NTN1: variants seen among roughly 807,000 people sequenced by gnomAD.
The protein encoded by NTN1 is netrin 1, also known as netrin-1.
Under a neutral mutation model 54.2 loss-of-function variants are expected in NTN1, and 11 were observed. The observed-to-expected ratio is 0.20, with a 90% CI of 0.13 to 0.34. The LOEUF (loss-of-function observed/expected upper bound fraction) is 0.34, where lower values mean the gene tolerates loss of function less well. Ranked by LOEUF, NTN1 falls within the 10% of genes least tolerant of loss-of-function variation. NTN1 has a pLI of 1.00. For missense variants in NTN1, 740 were observed against 893.1 expected, an observed-to-expected ratio of 0.83 and a Z score of 2.18; for synonymous variants, 371 against 382.0, an observed-to-expected ratio of 0.97 and a Z score of 0.33.
intron 2 of NTN1, among the ~76,000 whole-genome samples, chr17:9,073,352 TCAAA>T (rs1329051783): frequency 6.6e-6 from 1 of 152,182 alleles, no homozygotes; most frequent in African/African-American, 2.4e-5. Context: ...ACTGAACTTA[TCAAA>T]CAAGTCCCCA....
intron 2 of NTN1, among the ~76,000 whole-genome samples, chr17:9,149,130 A>G (rs1236160043): frequency 6.6e-6 from 1 of 152,080 alleles, no homozygotes; most frequent in Non-Finnish European, 1.5e-5. Flanking sequence ...CAGATGGGAA[A>G]TGACTCCAGG....
At chr17:9,201,339 T>G (rs1597534741) in intron 5 of NTN1, among the ~76,000 whole-genome samples, 1 of 152,172 alleles carries the variant, frequency 6.6e-6, no homozygotes, top group African/African-American at 2.4e-5. Context: ...AGTTCTGAAC[T>G]TACTGTGTGG....
intron 2 of NTN1, among the ~76,000 whole-genome samples, chr17:9,045,206 A>T (rs145425210): frequency 1.3e-5 from 2 of 152,260 alleles, no homozygotes; most frequent in African/African-American, 4.8e-5. Flanking sequence ...GGCTGAGTTT[A>T]TTGCTTTGGC....
intron 1 of NTN1, among the ~76,000 whole-genome samples, chr17:9,021,980 C>T (rs1315983342): frequency 6.6e-6 from 1 of 152,202 alleles, no homozygotes; most frequent in Non-Finnish European, 1.5e-5. Flanking sequence ...CGGGGTCCCC[C>T]AGCTCTCCTG....
intron 2 of NTN1, among the ~76,000 whole-genome samples, chr17:9,115,070 G>C (rs1359971358): frequency 6.6e-6 from 1 of 151,884 alleles, no homozygotes; most frequent in Non-Finnish European, 1.5e-5. Context: ...CAGGCCGGGG[G>C]TGCAGTAGAA....
In NTN1 at chr17:9,239,591, C is replaced by G; in HGVS notation, c.1487-49C>G. On this transcript the variant is annotated intron_variant, in intron 6 of 6. Transcript: ENST00000173229. The surrounding 1 kb of genome is among the most constrained non-coding windows in gnomAD (Gnocchi z 5.2). ...CTCCCCAGGCTCAGGCAGGGCGGAC[C>G]TAGCCACAGCAGCTGGGAGCCCACC... is the stretch of plus-strand genomic sequence containing the variant. The G allele has an allele frequency of 6.4e-7, 1 of 1,574,056 alleles. No individual in the cohort carries two copies. Among genetic ancestry groups the G allele is most frequent in the Non-Finnish European group, 8.7e-7 (1 of 1,151,334 alleles).
chr17:9,060,370 A>T (rs913005656), intron 2 of NTN1, among the ~76,000 whole-genome samples: 1 of 152,228 alleles, frequency 6.6e-6, no homozygotes, highest in Non-Finnish European at 1.5e-5. Context: ...AAACATATAC[A>T]ATATGTATTA....
At chr17:9,147,937 G>A (rs2092318383) in intron 2 of NTN1, among the ~76,000 whole-genome samples, 1 of 152,124 alleles carries the variant, frequency 6.6e-6, no homozygotes, top group African/African-American at 2.4e-5. Context: ...GATGAAAATG[G>A]CTTTGTTTGG....
intron 3 of NTN1, among the ~76,000 whole-genome samples, chr17:9,169,246 C>T (rs1383147691): frequency 6.6e-6 from 1 of 152,248 alleles, no homozygotes; most frequent in Non-Finnish European, 1.5e-5. Flanking sequence ...CCACATTCCA[C>T]ATGCTTCTTA....
In NTN1 at chr17:9,242,344, C is replaced by G. The variant is rs1162657576; in HGVS notation, c.*2376C>G. 3 of 152,284 alleles carry G rather than the reference C, an allele frequency of 2.0e-5. No individual in the cohort carries two copies. Among genetic ancestry groups the G allele is most frequent in the Non-Finnish European group, 4.4e-5 (3 of 68,088 alleles). The allele number at this position is 152,284 out of a possible 1,614,324, so 9.4% of individuals were successfully genotyped here. On this transcript the variant is annotated 3_prime_UTR_variant, in exon 7 of 7. Coordinates refer to ENST00000173229, the MANE Select transcript of NTN1 (RefSeq NM_004822.3). ...CCAAGCTGTCAGCGCCCCTCGGATG[C>G]CCAGTGTGGTGTGCTGGGCGCCATC...
In NTN1 at chr17:9,210,432, ACACC is replaced by A. The variant is rs1476289822; in HGVS notation, c.1412-10734_1412-10731del. On this transcript the variant is annotated intron_variant, in intron 5 of 6. Transcript: ENST00000173229. Reference sequence around the variant, plus strand: ...GGCACATGTGCGTGCACACACACACACACCCCCACACCCACACACACACACACAC... The same window carrying A: ...GGCACATGTGCGTGCACACACACACACCCACACCCACACACACACACACAC... Among the ~76,000 whole-genome samples the A allele has an allele frequency of 5.0e-3, 387 of 77,410 alleles. 2 individuals are homozygous for A. The highest frequency in any genetic ancestry group is 0.023 in the Middle Eastern group (4 of 172). The allele number at this position is 77,410 out of a possible 152,430, so 50.8% of individuals were successfully genotyped here.
intron 5 of NTN1, among the ~76,000 whole-genome samples, chr17:9,207,389 G>A (rs912979283): frequency 6.6e-6 from 1 of 152,176 alleles, no homozygotes; most frequent in Non-Finnish European, 1.5e-5. Context: ...TTCTGCCATG[G>A]CTCCTAAACT....
chr17:9,076,134 G>A (rs368246197), intron 2 of NTN1, among the ~76,000 whole-genome samples: 47 of 152,278 alleles, frequency 3.1e-4, no homozygotes, highest in African/African-American at 1.1e-3. Flanking sequence ...TGTGGAAGAC[G>A]CACAACCCTA....
chr17:9,060,707 G>A (rs1001401796), intron 2 of NTN1, among the ~76,000 whole-genome samples: 3 of 152,334 alleles, frequency 2.0e-5, no homozygotes, highest in African/African-American at 4.8e-5. Flanking sequence ...CCCGGGTGCA[G>A]TGGCTCATGC....
At position 9,211,452 on chromosome 17, in the gene NTN1, G is replaced by C. The variant is rs1206943928; in HGVS notation, c.1412-9716G>C. On this transcript the variant is annotated intron_variant, in intron 5 of 6. Transcript: ENST00000173229. The surrounding 1 kb of genome is among the most constrained non-coding windows in gnomAD (Gnocchi z 4.4). The stretch of plus-strand genomic sequence containing the variant: ...TGGGAGTGATGACACTCGTGCTGTT[G>C]GCCTCTCCCCTCCTGCTGTGATGCC... Among the ~76,000 whole-genome samples, 2 of 152,132 alleles carry C rather than the reference G, an allele frequency of 1.3e-5. No homozygotes were observed. Among genetic ancestry groups the C allele is most frequent in the Non-Finnish European group, 2.9e-5 (2 of 68,030 alleles).
the NTN1 span, among the ~76,000 whole-genome samples, chr17:9,003,888 G>A: frequency 6.6e-6 from 1 of 152,104 alleles, no homozygotes; most frequent in African/African-American, 2.4e-5. This position sits in a 1 kb window ranked among gnomAD's most constrained non-coding sequence, Gnocchi z 7.4. Flanking sequence ...AATCGCCGCC[G>A]CGCCCGCCGG....
intron 2 of NTN1, among the ~76,000 whole-genome samples, chr17:9,024,468 C>T (rs944492422): frequency 3.3e-5 from 5 of 152,232 alleles, no homozygotes; most frequent in Admixed American, 1.3e-4. Flanking sequence ...CTCTCCATCT[C>T]CCCATCTCAA....
Position 9,022,804 on chromosome 17 carries a change from T to C in NTN1, c.431T>C (p.Val144Ala), listed in dbSNP as rs1440404039. ...CTGTCCCTCGGCAAGAAGTTCGAAG[T>C]GACCTACGTGAGCCTGCAGTTCTGC... ...LTLSLGKKFE[V>A]TYVSLQFCSP... is the part of the protein sequence containing the mutation. The change falls in exon 2 of 7, where the codon GTG (valine) becomes GCG (alanine). Residue 144 changes from valine (V) to alanine (A), a missense_variant. By Grantham distance (64) the Val-to-Ala change is moderately conservative (BLOSUM62 0). Coordinates refer to ENST00000173229, the MANE Select transcript of NTN1 (RefSeq NM_004822.3). 1 of 1,611,230 alleles carries C rather than the reference T, an allele frequency of 6.2e-7. No homozygotes were observed.
intron 2 of NTN1, among the ~76,000 whole-genome samples, chr17:9,139,783 C>T (rs891776020): frequency 6.6e-6 from 1 of 152,022 alleles, no homozygotes; most frequent in Non-Finnish European, 1.5e-5. Context: ...ATCCATCTAC[C>T]TACCTACCTA....
Sources: allele counts gnomAD v4.1 joint callset (sites outside exome capture counted in the v4.1 genomes callset), GRCh38; gene constraint gnomAD v4.1.1; non-coding constraint Gnocchi (gnomAD v3.1); transcripts MANE v1.5; gene names NCBI Gene and HGNC (gene_info 2026-07-23, HGNC 2026-07-21).